FGFR2: variants seen among roughly 807,000 people sequenced by gnomAD.
The protein encoded by FGFR2 is BEK fibroblast growth factor receptor.
In FGFR2, 19 loss-of-function variants were observed where a neutral mutation model predicts 95.9. The ratio of observed to expected loss-of-function variants is 0.20; its 90% confidence interval spans 0.14 to 0.29. The LOEUF is 0.29. Among genes scored for constraint, FGFR2 ranks in the 10% least tolerant of loss-of-function variants. The pLI is 1.00. For synonymous variants in FGFR2, 392 were observed against 393.3 expected, an observed-to-expected ratio of 1.00 and a Z score of 0.04; for missense variants, 707 against 1,056.9, an observed-to-expected ratio of 0.67 and a Z score of 4.59.
At chr10:121,564,438 T>C in intron 4 of FGFR2, 64 bp downstream of exon 4, 1 of 1,436,618 alleles carries the variant, frequency 7.0e-7, no homozygotes, top group Non-Finnish European at 9.8e-7. Flanking sequence ...AGAAGACAGG[T>C]GACAGGCAGA....
intron 2 of FGFR2, among the ~76,000 whole-genome samples, chr10:121,588,488 T>C (rs1224777201): frequency 6.6e-6 from 1 of 152,006 alleles, no homozygotes; most frequent in Non-Finnish European, 1.5e-5. Flanking sequence ...GATGGTGTGG[T>C]AAAGATGGGG....
At chr10:121,549,486 C>T (rs967379775) in intron 5 of FGFR2, among the ~76,000 whole-genome samples, 5 of 152,174 alleles carry the variant, frequency 3.3e-5, no homozygotes, top group South Asian at 2.1e-4. Context: ...AGATGGGTTC[C>T]GGTGATCCCC....
chr10:121,503,623 T>C (rs1482202888), intron 10 of FGFR2, among the ~76,000 whole-genome samples, 167 bp downstream of exon 10: 1 of 152,094 alleles, frequency 6.6e-6, no homozygotes, highest in East Asian at 1.9e-4. Context: ...TTTAAATCCA[T>C]TTTTTTCTTT....
chr10:121,505,862 A>G (rs1479696160), intron 9 of FGFR2, among the ~76,000 whole-genome samples: 3 of 152,192 alleles, frequency 2.0e-5, no homozygotes, highest in Non-Finnish European at 4.4e-5. Context: ...TTAACGGCCA[A>G]TGATGCTTCC....
At chr10:121,592,901 A>T (rs1862881330) in intron 2 of FGFR2, among the ~76,000 whole-genome samples, 1 of 152,178 alleles carries the variant, frequency 6.6e-6, no homozygotes, top group Non-Finnish European at 1.5e-5. Flanking sequence ...TTCCCTACTG[A>T]TGACAGATTT....
intron 4 of FGFR2, among the ~76,000 whole-genome samples, chr10:121,562,223 G>A (rs576627533): frequency 7.9e-5 from 12 of 151,432 alleles, no homozygotes; most frequent in South Asian, 4.2e-4. Context: ...ACAAAAACCC[G>A]CACAAAGATG....
Position 121,518,550 on chromosome 10 carries a change from G to C in FGFR2, c.940-1087C>G. 1 of 1,026,870 alleles carries C rather than the reference G, an allele frequency of 9.7e-7. No homozygotes were observed. Among genetic ancestry groups the C allele is most frequent in the Middle Eastern group, 2.9e-4 (1 of 3,470 alleles). The allele number at this position is 1,026,870 out of a possible 1,614,324, so 63.6% of individuals were successfully genotyped here. On this transcript the variant is annotated intron_variant, in intron 7 of 17. Transcript: ENST00000358487. The surrounding 1 kb of genome is among the most constrained non-coding windows in gnomAD (Gnocchi z 4.0). ...CATACCAGCTGCATCACCGAAGAAAGATTATTATAAATATACCAAGGCCAC... is the reference window on the plus strand; with the variant it reads ...CATACCAGCTGCATCACCGAAGAAACATTATTATAAATATACCAAGGCCAC...
Position 121,554,171 on chromosome 10 carries a change from T to TG in FGFR2, c.455-2713dup, listed in dbSNP as rs551707829. On this transcript the variant is annotated intron_variant, in intron 4 of 17. Coordinates refer to ENST00000358487, the MANE Select transcript of FGFR2 (RefSeq NM_000141.5). Reference sequence around the variant, plus strand: ...CATCTAGGTCTCAGAGATCCAAGGTTGGGGGCCACCATAAAAAATCCAGGC... The same window carrying TG: ...CATCTAGGTCTCAGAGATCCAAGGTTGGGGGGCCACCATAAAAAATCCAGGC... 4.7e-4 allele frequency among the ~76,000 whole-genome samples: 71 copies of TG among 152,160 alleles called. No individual in the cohort carries two copies. The South Asian group carries it at 7.9e-3, about 17-fold the overall frequency.
chr10:121,527,657 A>G (rs1003688811), intron 6 of FGFR2: 6 of 152,284 alleles, frequency 3.9e-5, no homozygotes, highest in African/African-American at 1.4e-4. Context: ...ATCAATTTCT[A>G]GGGTCATGGA....
intron 9 of FGFR2, 98 bp downstream of exon 9, chr10:121,515,019 C>T: frequency 2.6e-6 from 3 of 1,149,842 alleles, no homozygotes; most frequent in Non-Finnish European, 3.9e-6. Context: ...CACATGGAAG[C>T]TCACAGAAGT....
intron 1 of FGFR2, among the ~76,000 whole-genome samples, chr10:121,595,565 C>A (rs1863312335): frequency 6.6e-6 from 1 of 152,220 alleles, no homozygotes; most frequent in Non-Finnish European, 1.5e-5. Flanking sequence ...CTTAACTTTT[C>A]TTTCCTCTTA....
chr10:121,494,666 C>T (rs1165824242), intron 13 of FGFR2, among the ~76,000 whole-genome samples: 1 of 152,118 alleles, frequency 6.6e-6, no homozygotes, highest in Non-Finnish European at 1.5e-5. Flanking sequence ...CCTACTCAAT[C>T]ACTTGCTGTC....
intron 5 of FGFR2, among the ~76,000 whole-genome samples, chr10:121,547,679 A>G (rs2134750389): frequency 6.6e-6 from 1 of 152,276 alleles, no homozygotes; most frequent in East Asian, 1.9e-4. Context: ...TTACAGTGCC[A>G]CTGTGCCCAA....
In FGFR2 at chr10:121,529,967, C is replaced by T. The variant is rs188358649; in HGVS notation, c.748+8625G>A. Among the ~76,000 whole-genome samples the T allele has an allele frequency of 2.0e-5, 3 of 152,304 alleles. No homozygotes were observed. In the East Asian group the frequency reaches 5.8e-4, roughly 30 times the overall value. ...CCCTCCAAGCCAAAGCAATGAGGCTCCCATTGCCTCATCGCCTCATCTGTC... is the reference window on the plus strand; with the variant it reads ...CCCTCCAAGCCAAAGCAATGAGGCTTCCATTGCCTCATCGCCTCATCTGTC... On this transcript the variant is annotated intron_variant, in intron 6 of 17. Coordinates refer to ENST00000358487, the MANE Select transcript of FGFR2 (RefSeq NM_000141.5).
At chr10:121,480,167 G>A (rs756944849) in intron 17 of FGFR2, 146 bp from the exon 18 acceptor site, 1 of 928,300 alleles carries the variant, frequency 1.1e-6, no homozygotes, top group African/African-American at 1.6e-5. Flanking sequence ...TTGAGATGTG[G>A]GTATTGGACG....
intron 2 of FGFR2, among the ~76,000 whole-genome samples, chr10:121,570,789 T>C (rs778184948): frequency 6.6e-6 from 1 of 152,220 alleles, no homozygotes; most frequent in Non-Finnish European, 1.5e-5. Context: ...TATTGGCCAA[T>C]CTTTGTCACT....
intron 4 of FGFR2, among the ~76,000 whole-genome samples, chr10:121,561,438 A>C (rs1032220338): frequency 5.9e-5 from 9 of 152,016 alleles, no homozygotes; most frequent in Non-Finnish European, 1.2e-4. Flanking sequence ...AAAAAAAAAA[A>C]AAAAAACCTA....
chr10:121,524,101 T>TACACACAC (rs61527395), intron 6 of FGFR2, among the ~76,000 whole-genome samples: 220 of 89,186 alleles, frequency 2.5e-3, no homozygotes, highest in African/African-American at 7.5e-3. Flanking sequence ...CGGCTATGTA[T>TACACACAC]ACACACACAC....
chr10:121,546,173 T>C (rs1180709276), intron 5 of FGFR2, among the ~76,000 whole-genome samples: 1 of 125,874 alleles, frequency 7.9e-6, no homozygotes, highest in Non-Finnish European at 1.6e-5. Context: ...GCCATGAAGG[T>C]AACCTCTTTA....
Sources: gnomAD v4.1 joint callset for allele counts (sites outside exome capture counted in the v4.1 genomes callset) on GRCh38, gnomAD v4.1.1 for gene constraint, Gnocchi (gnomAD v3.1) non-coding constraint, MANE v1.5 for transcripts, NCBI Gene and HGNC (gene_info 2026-07-23, HGNC 2026-07-21) for gene names.